SUMO2: variants seen among roughly 807,000 people sequenced by gnomAD.
The protein encoded by SUMO2 is small ubiquitin-related modifier 2.
A neutral mutation model predicts 16.0 loss-of-function variants in SUMO2; 1 was observed. That is an observed-to-expected ratio of 0.06 (90% CI 0.02 to 0.30). The LOEUF is 0.30. Among genes scored for constraint, SUMO2 ranks in the 10% least tolerant of loss-of-function variants. SUMO2 has a pLI of 1.00. For synonymous variants in SUMO2, 36 were observed against 40.6 expected, an observed-to-expected ratio of 0.89 and a Z score of 0.43; for missense variants, 16 against 117.5, an observed-to-expected ratio of 0.14 and a Z score of 3.99.
intron 2 of SUMO2, among the ~76,000 whole-genome samples, chr17:75,176,787 A>G (rs760206802): frequency 7.9e-5 from 12 of 152,184 alleles, no homozygotes; most frequent in Non-Finnish European, 1.6e-4. Flanking sequence ...ATAGGAACCT[A>G]GACTGTTTTA....
chr17:75,169,280 T>C (rs1568044881), intron 3 of SUMO2, among the ~76,000 whole-genome samples: 3 of 152,152 alleles, frequency 2.0e-5, no homozygotes, highest in Middle Eastern at 6.8e-3. Context: ...GGCTCACTCC[T>C]GTAATCTCAA....
chr17:75,175,193 G>A, intron 2 of SUMO2, among the ~76,000 whole-genome samples: 1 of 152,128 alleles, frequency 6.6e-6, no homozygotes, highest in South Asian at 2.1e-4. Context: ...AGGTTGGCCA[G>A]GCTGGTCTCG....
intron 3 of SUMO2, among the ~76,000 whole-genome samples, chr17:75,170,892 T>C (rs927585367): frequency 6.6e-6 from 1 of 150,810 alleles, no homozygotes; most frequent in Non-Finnish European, 1.5e-5. Flanking sequence ...AAACATAGTA[T>C]GCTCAGATAT....
rs1260765666 is a variant in SUMO2, at chr17:75,174,926, T to A, written c.154-103A>T. 4.1e-6 allele frequency: 4 copies of A among 972,988 alleles called. No homozygotes were observed. In the East Asian group the frequency reaches 1.1e-4, roughly 26 times the overall value. The allele number at this position is 972,988 out of a possible 1,614,324, so 60.3% of individuals were successfully genotyped here. A position where few individuals can be genotyped will look rare whatever the true frequency, so the allele number is the denominator to read the frequency against. On this transcript the variant is annotated intron_variant, in intron 2 of 3. Coordinates refer to ENST00000420826, the MANE Select transcript of SUMO2 (RefSeq NM_006937.4). ...ACCATGAATATATTAAAGAAATACC[T>A]AAATAAACAATTGCCAACATGTTAA...
In SUMO2 at chr17:75,166,689, G is replaced by C. The variant is rs948580735; in HGVS notation, c.*1650C>G. 2 of 152,198 alleles carry C rather than the reference G, an allele frequency of 1.3e-5. No homozygotes were observed. Among genetic ancestry groups the C allele is most frequent in the African/African-American group, 4.8e-5 (2 of 41,370 alleles). 9.4% of individuals were successfully genotyped at this position (152,198 alleles called of 1,614,324 possible). On this transcript the variant is annotated 3_prime_UTR_variant, in exon 4 of 4. Transcript: ENST00000420826. ...TTCTAGCTACTCACGAGGCTGAGCAGGGAGGATCTCTTAAGACCTGGAGGT... is the reference window on the plus strand; with the variant it reads ...TTCTAGCTACTCACGAGGCTGAGCACGGAGGATCTCTTAAGACCTGGAGGT...
chr17:75,179,203 G>C (rs1024354751), intron 2 of SUMO2, among the ~76,000 whole-genome samples: 4 of 152,216 alleles, frequency 2.6e-5, no homozygotes, highest in Admixed American at 2.6e-4. Flanking sequence ...AGTTCATGTA[G>C]GGTGATTTCA....
rs1342222362 is a variant in SUMO2, at chr17:75,180,281, TCCA to T, written c.153+773_153+775del. ...GTGAGCCAAGATTGCACCACTGCACTCCAGCCTGGGCAACAGAGCAAGACTCCA... is the reference window on the plus strand; with the variant it reads ...GTGAGCCAAGATTGCACCACTGCACTGCCTGGGCAACAGAGCAAGACTCCA... On this transcript the variant is annotated intron_variant, in intron 2 of 3. Transcript: ENST00000420826. 1.5e-4 allele frequency among the ~76,000 whole-genome samples: 23 copies of T among 150,994 alleles called. 1 individual carries two copies. The East Asian group carries it at 4.3e-3, about 28-fold the overall frequency.
At chr17:75,177,040 G>T in intron 2 of SUMO2, among the ~76,000 whole-genome samples, 1 of 151,768 alleles carries the variant, frequency 6.6e-6, no homozygotes. Context: ...AAAATTGGCT[G>T]AGCACAATGG....
At position 75,168,306 on chromosome 17, in the gene SUMO2, C is replaced by G. The variant is rs1568044488; in HGVS notation, c.*33G>C. ...GAATGTAATCTTGGTCTTTAAAGAA[C>G]AGAGTTCTGGAGTAAAGAAGCAGGT... On this transcript the variant is annotated 3_prime_UTR_variant, in exon 4 of 4. Transcript: ENST00000420826. 5.3e-6 allele frequency: 8 copies of G among 1,515,894 alleles called. No individual in the cohort carries two copies. Among genetic ancestry groups the G allele is most frequent in the Non-Finnish European group, 7.1e-6 (8 of 1,120,962 alleles). 93.9% of individuals were successfully genotyped at this position (1,515,894 alleles called of 1,614,324 possible).
At position 75,167,028 on chromosome 17, in the gene SUMO2, T is replaced by C. The variant is rs1267661679; in HGVS notation, c.*1311A>G. On this transcript the variant is annotated 3_prime_UTR_variant, in exon 4 of 4. Coordinates refer to ENST00000420826, the MANE Select transcript of SUMO2 (RefSeq NM_006937.4). The stretch of plus-strand genomic sequence containing the variant: ...ATAGATATTTTCTGTCCCTCAATAT[T>C]CTTGAATAGGCCAGGCGTGGTGGCT... The C allele has an allele frequency of 1.3e-5, 2 of 151,342 alleles. No homozygotes were observed. The highest frequency in any genetic ancestry group is 2.9e-5 in the Non-Finnish European group (2 of 67,916). 9.4% of individuals were successfully genotyped at this position (151,342 alleles called of 1,614,324 possible).
rs1386003673 is a variant in SUMO2, at chr17:75,172,505, T to TG, written c.225+2246dup. Among the ~76,000 whole-genome samples the TG allele has an allele frequency of 3.2e-4, 47 of 145,300 alleles. No individual in the cohort carries two copies. The South Asian group carries it at 6.5e-3, about 20-fold the overall frequency. On this transcript the variant is annotated intron_variant, in intron 3 of 3. Transcript: ENST00000420826. Reference sequence around the variant, plus strand: ...TGGCTAAATTTTTTTTTTTTTTTTTTGAGTTTCGCTCGTTACCCATGCTCG... The same window carrying TG: ...TGGCTAAATTTTTTTTTTTTTTTTTTGGAGTTTCGCTCGTTACCCATGCTCG...
intron 3 of SUMO2, among the ~76,000 whole-genome samples, chr17:75,169,307 A>G (rs957676546): frequency 1.3e-5 from 2 of 151,978 alleles, no homozygotes; most frequent in Non-Finnish European, 2.9e-5. Flanking sequence ...GGGAGGCTGA[A>G]GTGGGCGGGT....
intron 1 of SUMO2, among the ~76,000 whole-genome samples, chr17:75,182,158 G>C (rs1218391364): frequency 6.6e-6 from 1 of 152,112 alleles, no homozygotes; most frequent in Non-Finnish European, 1.5e-5. Flanking sequence ...TCGCGGATTA[G>C]GGGTTCGTTG....
At chr17:75,181,694 C>T (rs1171461810) in intron 1 of SUMO2, among the ~76,000 whole-genome samples, 1 of 152,092 alleles carries the variant, frequency 6.6e-6, no homozygotes, top group African/African-American at 2.4e-5. Context: ...AAAGGAAACA[C>T]ACAAACAAAA....
At chr17:75,177,976 G>C (rs1449275440) in intron 2 of SUMO2, among the ~76,000 whole-genome samples, 1 of 109,824 alleles carries the variant, frequency 9.1e-6, no homozygotes, top group African/African-American at 3.7e-5. Flanking sequence ...CCGACAAAGC[G>C]AGACTCCGTC....
chr17:75,172,134 CA>C (rs2145218404), intron 3 of SUMO2, among the ~76,000 whole-genome samples: 1 of 151,816 alleles, frequency 6.6e-6, no homozygotes, highest in East Asian at 1.9e-4. Context: ...TCTCCTGGCT[CA>C]ATCTCCCGAG....
intron 2 of SUMO2, among the ~76,000 whole-genome samples, chr17:75,178,878 C>T (rs1364792432): frequency 6.6e-6 from 1 of 151,918 alleles, no homozygotes; most frequent in Non-Finnish European, 1.5e-5. Context: ...TCGCTTAAAA[C>T]TGGAAGGCGG....
At chr17:75,180,415 A>AAC (rs1555655473) in intron 2 of SUMO2, among the ~76,000 whole-genome samples, 30 of 145,182 alleles carry the variant, frequency 2.1e-4, no homozygotes, top group Admixed American at 3.5e-4. Context: ...AAAAAAAAAA[A>AAC]AAAAAACGAC....
chr17:75,168,608 T>A (rs550313179), intron 3 of SUMO2, among the ~76,000 whole-genome samples: 18 of 151,172 alleles, frequency 1.2e-4, no homozygotes, highest in African/African-American at 4.1e-4. Context: ...TAGATAAAAC[T>A]TTTTTGTTTT....
Sources: gnomAD v4.1 joint callset for allele counts (sites outside exome capture counted in the v4.1 genomes callset) on GRCh38, gnomAD v4.1.1 for gene constraint, MANE v1.5 for transcripts, NCBI Gene and HGNC (gene_info 2026-07-23, HGNC 2026-07-21) for gene names.